METTL24: variants seen among roughly 807,000 people sequenced by gnomAD.
METTL24 encodes the protein probable methyltransferase-like protein 24.
In METTL24, 29 loss-of-function variants were observed where a neutral mutation model predicts 32.7. That is an observed-to-expected ratio of 0.89 (90% CI 0.66 to 1.21). The LOEUF (loss-of-function observed/expected upper bound fraction) is 1.21. Among genes scored for constraint, METTL24 ranks in the 50% most tolerant of loss-of-function variants. The pLI is 0.00. For missense variants in METTL24, 439 were observed against 468.1 expected (o/e 0.94, Z 0.57); for synonymous variants, 163 against 179.5 (o/e 0.91, Z 0.73).
intron 1 of METTL24, among the ~76,000 whole-genome samples, chr6:110,329,827 C>T (rs1020762098): frequency 3.3e-5 from 5 of 152,194 alleles, no homozygotes; most frequent in African/African-American, 9.7e-5. Context: ...TCTCAGTTTC[C>T]GTTCTGGGTA....
chr6:110,295,802 G>A lies in METTL24; in HGVS notation c.786+3120C>T, dbSNP rs756856074. Among the ~76,000 whole-genome samples the A allele has an allele frequency of 5.5e-3, 625 of 114,302 alleles. 8 individuals carry two copies. Among genetic ancestry groups the A allele is most frequent in the African/African-American group, 0.018 (585 of 31,946 alleles). 75.0% of individuals were successfully genotyped at this position (114,302 alleles called of 152,430 possible). ...AAAGAAAAGAAAGAAAGAAAGGAAG[G>A]AAGGAAGGAAGGAAGGAAGGAAGGA... On this transcript the variant is annotated intron_variant, in intron 4 of 4. Transcript: ENST00000338882.
intron 4 of METTL24, among the ~76,000 whole-genome samples, chr6:110,275,054 C>T (rs1165456167): frequency 6.6e-6 from 1 of 151,830 alleles, no homozygotes; most frequent in African/African-American, 2.4e-5. Context: ...CCACCTCAGC[C>T]TCCCAAAGTG....
intron 4 of METTL24, among the ~76,000 whole-genome samples, chr6:110,246,865 A>T (rs1055155038): frequency 2.0e-5 from 3 of 152,046 alleles, no homozygotes; most frequent in African/African-American, 7.2e-5. Flanking sequence ...TGAAAAAGTT[A>T]TTGAGTATCT....
intron 3 of METTL24, among the ~76,000 whole-genome samples, chr6:110,313,315 G>T (rs1396197384): frequency 6.6e-6 from 1 of 152,156 alleles, no homozygotes; most frequent in Non-Finnish European, 1.5e-5. Context: ...TGCATGCTAC[G>T]CATGTAACAA....
Position 110,245,571 on chromosome 6 carries a change from G to A in METTL24, c.*375C>T, listed in dbSNP as rs963925093. ...ATTTAAAACCCTATTTTAAACAGTA[G>A]GGGAAGAACTTAAAAATCTCACCAA... On this transcript the variant is annotated 3_prime_UTR_variant, in exon 5 of 5. Coordinates refer to ENST00000338882, the MANE Select transcript of METTL24 (RefSeq NM_001123364.3). Among the ~76,000 whole-genome samples, 1 of 152,114 alleles carries A rather than the reference G, an allele frequency of 6.6e-6. No homozygotes were observed. The highest frequency in any genetic ancestry group is 1.5e-5 in the Non-Finnish European group (1 of 68,008).
At chr6:110,302,640 CAT>C (rs578102506) in intron 3 of METTL24, among the ~76,000 whole-genome samples, 3 of 134,162 alleles carry the variant, frequency 2.2e-5, no homozygotes, top group Admixed American at 7.1e-5. Context: ...TATACACACA[CAT>C]ATGTGTATAT....
chr6:110,294,458 T>C (rs1440905847), intron 4 of METTL24, among the ~76,000 whole-genome samples: 1 of 151,750 alleles, frequency 6.6e-6, no homozygotes, highest in African/African-American at 2.4e-5. Context: ...CCATGAAGAA[T>C]AGAAATATAA....
At chr6:110,296,426 G>A (rs1771420453) in intron 4 of METTL24, among the ~76,000 whole-genome samples, 1 of 152,172 alleles carries the variant, frequency 6.6e-6, no homozygotes, top group Non-Finnish European at 1.5e-5. Flanking sequence ...CTGACAGACT[G>A]GGCTTCTAAT....
intron 2 of METTL24, among the ~76,000 whole-genome samples, chr6:110,321,914 T>G (rs909540793): frequency 2.6e-5 from 4 of 151,826 alleles, no homozygotes; most frequent in Non-Finnish European, 5.9e-5. Context: ...TTGAGGGAGA[T>G]TCTAAAAATC....
At chr6:110,246,938 G>C (rs999411595) in intron 4 of METTL24, among the ~76,000 whole-genome samples, 2 of 148,336 alleles carry the variant, frequency 1.3e-5, no homozygotes, top group Admixed American at 6.7e-5. Context: ...GTATATACCA[G>C]TATAGCATTC....
At chr6:110,298,093 G>C (rs1185202150) in intron 4 of METTL24, among the ~76,000 whole-genome samples, 1 of 152,184 alleles carries the variant, frequency 6.6e-6, no homozygotes, top group Non-Finnish European at 1.5e-5. Flanking sequence ...GTTTAAAATT[G>C]AGTCTCAGGC....
chr6:110,300,715 C>T (rs1771504248), intron 3 of METTL24, among the ~76,000 whole-genome samples: 2 of 152,026 alleles, frequency 1.3e-5, no homozygotes, highest in African/African-American at 4.8e-5. Context: ...GCCATGGCAC[C>T]CCACCTAGAC....
intron 2 of METTL24, among the ~76,000 whole-genome samples, chr6:110,317,287 C>T (rs575790810): frequency 7.9e-5 from 12 of 152,282 alleles, no homozygotes; most frequent in South Asian, 4.1e-4. Flanking sequence ...TAACTGGGTG[C>T]GTCAACATGT....
intron 4 of METTL24, among the ~76,000 whole-genome samples, chr6:110,247,150 A>G (rs1205513115): frequency 6.6e-6 from 1 of 152,068 alleles, no homozygotes; most frequent in African/African-American, 2.4e-5. Context: ...ATGAAAGCTC[A>G]TTTTTACCAA....
chr6:110,353,348 C>A (rs1772646412), intron 1 of METTL24, among the ~76,000 whole-genome samples: 1 of 152,140 alleles, frequency 6.6e-6, no homozygotes, highest in Admixed American at 6.5e-5. Context: ...GTTTCACAAG[C>A]AATTCAAACC....
At chr6:110,274,962 CTAATTTTTG>C (rs980677234) in intron 4 of METTL24, among the ~76,000 whole-genome samples, 22 of 151,722 alleles carry the variant, frequency 1.5e-4, no homozygotes, top group Middle Eastern at 3.4e-3. Flanking sequence ...CCACACCCAA[CTAATTTTTG>C]TATTTTTTGT....
chr6:110,343,876 A>T (rs1266525994), intron 1 of METTL24, among the ~76,000 whole-genome samples: 1 of 152,232 alleles, frequency 6.6e-6, no homozygotes, highest in Non-Finnish European at 1.5e-5. Flanking sequence ...AGCGAAGAGG[A>T]GACAGCAGTG....
intron 4 of METTL24, among the ~76,000 whole-genome samples, chr6:110,295,013 C>CTTTTTTTTTTTTTT (rs1195740747): frequency 6.4e-5 from 5 of 78,128 alleles, no homozygotes; most frequent in African/African-American, 1.1e-4. Context: ...TTCTTTCTTT[C>CTTTTTTTTTTTTTT]TTTTTTTTTT....
chr6:110,246,902 T>A (rs1291931374), intron 4 of METTL24, among the ~76,000 whole-genome samples: 3 of 151,770 alleles, frequency 2.0e-5, no homozygotes, highest in South Asian at 4.2e-4. Flanking sequence ...AAAAATAATA[T>A]TATTATTCTA....
Sources: gnomAD v4.1 joint callset for allele counts (sites outside exome capture counted in the v4.1 genomes callset) on GRCh38, gnomAD v4.1.1 for gene constraint, MANE v1.5 for transcripts, NCBI Gene and HGNC (gene_info 2026-07-23, HGNC 2026-07-21) for gene names.